The following ZMYND11 variants were observed in gnomAD, a reference collection of about 807,000 sequenced individuals.
The protein encoded by ZMYND11 is zinc finger MYND domain-containing protein 11.
ZMYND11 carries 9 observed loss-of-function variants against 84.9 expected under a neutral mutation model. That is an observed-to-expected ratio of 0.11 (90% CI 0.06 to 0.18). ZMYND11 has a LOEUF of 0.18. Among genes scored for constraint, ZMYND11 ranks in the 10% least tolerant of loss-of-function variants. The pLI, the probability that ZMYND11 is intolerant of heterozygous loss-of-function variation, is 1.00. For missense variants in ZMYND11, 409 were observed against 761.0 expected (o/e 0.54, Z 5.44); for synonymous variants, 250 against 244.1 (o/e 1.02, Z -0.23).
rs149367032 is a variant in ZMYND11 at position 226,074 on chromosome 10, G to C, written c.438+4718G>C. Among the ~76,000 whole-genome samples, 207 of 152,220 alleles carry C rather than the reference G, an allele frequency of 1.4e-3. 1 individual carries two copies. The highest frequency in any genetic ancestry group is 4.8e-3 in the African/African-American group (200 of 41,528). On this transcript the variant is annotated intron_variant, in intron 4 of 14. Coordinates refer to ENST00000381604, the MANE Select transcript of ZMYND11 (RefSeq NM_001370100.5). ...GATAGTGCAGTTTTAGAACATTCAT[G>C]TTCTAAATGCCTATACCACTCCAAG...
intron 2 of ZMYND11, among the ~76,000 whole-genome samples, chr10:206,543 T>C (rs1458671559): frequency 6.6e-6 from 1 of 152,208 alleles, no homozygotes; most frequent in Non-Finnish European, 1.5e-5. Context: ...TGCTCTGTCT[T>C]TTTTAAGAAT....
chr10:164,927 T>G (rs1279605321), intron 1 of ZMYND11, among the ~76,000 whole-genome samples: 1 of 152,016 alleles, frequency 6.6e-6, no homozygotes, highest in Non-Finnish European at 1.5e-5. Context: ...GGTAGGGGGC[T>G]TGGGACTATC....
intron 2 of ZMYND11, among the ~76,000 whole-genome samples, chr10:190,039 T>C (rs949644260): frequency 5.3e-5 from 8 of 152,228 alleles, no homozygotes; most frequent in African/African-American, 1.9e-4. Flanking sequence ...GCAGGGTCTT[T>C]AATGCTAGCA....
chr10:221,276 C>T lies in ZMYND11; in HGVS notation c.358C>T (p.Arg120Cys). 1 of 1,613,870 alleles carries T rather than the reference C, an allele frequency of 6.2e-7. No individual in the cohort carries two copies. Among genetic ancestry groups the T allele is most frequent in the South Asian group, 1.1e-5 (1 of 91,064 alleles). Residue 120 changes from arginine (R) to cysteine (C), a missense_variant, in exon 4 of 15, where the codon CGT (arginine) becomes TGT (cysteine). Arg to Cys is a radical substitution (Grantham distance 180). Around this residue, in one of 7 missense-constraint regions of ZMYND11, gnomAD observed 73 missense variants for 185.8 expected, o/e 0.39. Transcript: ENST00000381604. ...GEVLICDLCF[R>C]VYHSKCLSDE... Reference sequence around the variant, plus strand: ...GGTGTTGATATGTGACCTGTGTTTTCGTGTGTATCATTCCAAGTGTTTGTC... The same window carrying T: ...GGTGTTGATATGTGACCTGTGTTTTTGTGTGTATCATTCCAAGTGTTTGTC...
intron 1 of ZMYND11, among the ~76,000 whole-genome samples, chr10:177,630 G>A (rs1846941933): frequency 6.6e-6 from 1 of 151,924 alleles, no homozygotes; most frequent in Non-Finnish European, 1.5e-5. Context: ...ATTTTAAAAT[G>A]TTAGCTTTGC....
At chr10:173,554 A>G (rs74431160) in intron 1 of ZMYND11, among the ~76,000 whole-genome samples, 91 of 152,234 alleles carry the variant, frequency 6.0e-4, no homozygotes, top group African/African-American at 2.2e-3. Context: ...TGCCTCTCCA[A>G]AACATTAACA....
chr10:227,359 T>C (rs1948311580), intron 4 of ZMYND11, among the ~76,000 whole-genome samples: 1 of 152,236 alleles, frequency 6.6e-6, no homozygotes, highest in Admixed American at 6.5e-5. Flanking sequence ...CAGGAGTCTA[T>C]AGAAAGCATT....
chr10:175,494 G>C (rs1250953374), intron 1 of ZMYND11, among the ~76,000 whole-genome samples: 1 of 152,164 alleles, frequency 6.6e-6, no homozygotes, highest in South Asian at 2.1e-4. Context: ...ACTTGAACCT[G>C]GGAGGTGGAG....
intron 10 of ZMYND11, among the ~76,000 whole-genome samples, chr10:245,248 T>C (rs1951878701): frequency 6.6e-6 from 1 of 152,212 alleles, no homozygotes; most frequent in South Asian, 2.1e-4. Flanking sequence ...GTTATGGAAG[T>C]TCAACTCTAA....
chr10:184,819 C>T (rs1327980366), intron 2 of ZMYND11, among the ~76,000 whole-genome samples: 1 of 152,136 alleles, frequency 6.6e-6, no homozygotes, highest in Non-Finnish European at 1.5e-5. Flanking sequence ...TAAAGTTCTC[C>T]CTATGCCATG....
chr10:240,517 A>C lies in ZMYND11; in HGVS notation c.754-376A>C, dbSNP rs762985164. 2.0e-5 allele frequency among the ~76,000 whole-genome samples: 3 copies of C among 152,162 alleles called. No individual in the cohort carries two copies. In the East Asian group the frequency reaches 5.8e-4, roughly 29 times the overall value. ...GATTCTGTCTCAAAACAAAACAAAA[A>C]AAGGTCTTTTATTTTCATGTTTGAC... is the stretch of plus-strand genomic sequence containing the variant. On this transcript the variant is annotated intron_variant, in intron 8 of 14. Coordinates refer to ENST00000381604, the MANE Select transcript of ZMYND11 (RefSeq NM_001370100.5).
intron 1 of ZMYND11, among the ~76,000 whole-genome samples, chr10:151,869 G>A (rs1241670830): frequency 2.0e-5 from 3 of 152,134 alleles, no homozygotes; most frequent in Non-Finnish European, 4.4e-5. Flanking sequence ...CTGATCTCTT[G>A]GCAGAAACTC....
intron 10 of ZMYND11, among the ~76,000 whole-genome samples, chr10:246,485 C>G (rs1008798302): frequency 2.0e-5 from 3 of 152,204 alleles, no homozygotes; most frequent in Non-Finnish European, 4.4e-5. Flanking sequence ...ATTTGTGAAT[C>G]CAGTTCTGAG....
At chr10:161,346 T>C (rs1356942897) in intron 1 of ZMYND11, among the ~76,000 whole-genome samples, 1 of 150,452 alleles carries the variant, frequency 6.6e-6, no homozygotes, top group Non-Finnish European at 1.5e-5. Flanking sequence ...CATGCTGTCA[T>C]GTAGGCTTTG....
At chr10:170,077 A>G (rs1844928598) in intron 1 of ZMYND11, among the ~76,000 whole-genome samples, 1 of 152,138 alleles carries the variant, frequency 6.6e-6, no homozygotes, top group Non-Finnish European at 1.5e-5. Flanking sequence ...TAAGAATTAC[A>G]TCTGACTTTT....
At chr10:223,703 A>G (rs1286913999) in intron 4 of ZMYND11, among the ~76,000 whole-genome samples, 1 of 152,228 alleles carries the variant, frequency 6.6e-6, no homozygotes, top group South Asian at 2.1e-4. Flanking sequence ...AAAGATAAGT[A>G]CTAACAATTC....
At chr10:144,486 T>C (rs1426802887) in intron 1 of ZMYND11, among the ~76,000 whole-genome samples, 1 of 151,928 alleles carries the variant, frequency 6.6e-6, no homozygotes, top group Non-Finnish European at 1.5e-5. Context: ...CCTCCCAAAG[T>C]GTTGGGATTA....
At chr10:154,048 G>C (rs920593955) in intron 1 of ZMYND11, among the ~76,000 whole-genome samples, 1 of 151,776 alleles carries the variant, frequency 6.6e-6, no homozygotes, top group East Asian at 1.9e-4. Context: ...CAACATTGCT[G>C]TTCACCACAC....
chr10:172,821 A>G (rs1845667384), intron 1 of ZMYND11, among the ~76,000 whole-genome samples: 1 of 152,232 alleles, frequency 6.6e-6, no homozygotes. Context: ...GAGGACTGAT[A>G]CTACCTGACT....
Sources: gnomAD v4.1 joint callset for allele counts (sites outside exome capture counted in the v4.1 genomes callset) on GRCh38, gnomAD v4.1.1 for gene constraint, gnomAD v4.1.1 regional missense constraint, MANE v1.5 for transcripts, NCBI Gene and HGNC (gene_info 2026-07-23, HGNC 2026-07-21) for gene names.